PSMF1: variants seen among roughly 807,000 people sequenced by gnomAD.
PSMF1 encodes the protein proteasome inhibitor subunit 1.
Under a neutral mutation model 29.3 loss-of-function variants are expected in PSMF1, and 30 were observed. The ratio of observed to expected loss-of-function variants is 1.02; its 90% CI spans 0.77 to 1.39. PSMF1 has a LOEUF of 1.39. PSMF1 is among the 40% of genes most tolerant of loss of function. PSMF1 has a pLI of 0.00. For synonymous variants in PSMF1, 134 were observed against 139.7 expected (o/e 0.96, Z 0.29); for missense variants, 344 against 357.5 (o/e 0.96, Z 0.31).
chr20:1,127,476 T>C lies in PSMF1; in HGVS notation c.333T>C (p.Tyr111=), dbSNP rs2086173704. The C allele has an allele frequency of 6.2e-7, 1 of 1,608,588 alleles. No homozygotes were observed. Among genetic ancestry groups the C allele is most frequent in the Non-Finnish European group, 8.5e-7 (1 of 1,174,880 alleles). ...ACTTGACCCTGAACTTGGATGATTATATCGATGCAGAACACCTGGGTGACT... is the reference window on the plus strand; with the variant it reads ...ACTTGACCCTGAACTTGGATGATTACATCGATGCAGAACACCTGGGTGACT... ...VADLTLNLDD[Y]IDAEHLGDFH... Residue 111 remains tyrosine (Y), a synonymous_variant, in exon 3 of 7, where the codon TAT becomes TAC. Coordinates refer to ENST00000335877, the MANE Select transcript of PSMF1 (RefSeq NM_006814.5).
chr20:1,168,240 AGGGCAGGT>A lies in PSMF1; in HGVS notation c.*3161_*3168del, dbSNP rs2086754880. On this transcript the variant is annotated 3_prime_UTR_variant, in exon 7 of 7. Coordinates refer to ENST00000335877, the MANE Select transcript of PSMF1 (RefSeq NM_006814.5). ...GATGGTTCTAGGCTGGATGTGATACAGGGCAGGTTTTGTCTCTAGAGAAAGTTCTCATG... is the reference window on the plus strand; with the variant it reads ...GATGGTTCTAGGCTGGATGTGATACATTTGTCTCTAGAGAAAGTTCTCATG... The A allele has an allele frequency of 6.6e-6, 1 of 152,246 alleles. No homozygotes were observed. The highest frequency in any genetic ancestry group is 2.4e-5 in the African/African-American group (1 of 41,468). The allele number at this position is 152,246 out of a possible 1,614,324, so 9.4% of individuals were successfully genotyped here. A position where few individuals can be genotyped will look rare whatever the true frequency, so the allele number is the denominator to read the frequency against.
intron 4 of PSMF1, among the ~76,000 whole-genome samples, chr20:1,136,408 G>A (rs1481445671): frequency 3.3e-5 from 5 of 152,110 alleles, no homozygotes; most frequent in Non-Finnish European, 7.4e-5. Flanking sequence ...ATAAGCCCTG[G>A]TCAGAAGTCA....
rs2122618791 is a variant in PSMF1 at position 1,164,683 on chromosome 20, C to T, written c.764+207C>T. On this transcript the variant is annotated intron_variant, in intron 6 of 6. Coordinates refer to ENST00000335877, the MANE Select transcript of PSMF1 (RefSeq NM_006814.5). This position sits in a 1 kb window ranked among gnomAD's most constrained non-coding sequence, Gnocchi z 4.1. ...CCTATCCCTCAGTGCCTCTCTTTCC[C>T]CAGCTCCACTCTGGGGAGGACTCAA... 6.6e-6 allele frequency among the ~76,000 whole-genome samples: 1 copy of T among 152,274 alleles called. No homozygotes were observed. The highest frequency in any genetic ancestry group is 1.9e-4 in the East Asian group (1 of 5,176).
At chr20:1,157,038 G>A (rs1165101076) in intron 4 of PSMF1, among the ~76,000 whole-genome samples, 7 of 152,132 alleles carry the variant, frequency 4.6e-5, no homozygotes, top group African/African-American at 9.7e-5. Flanking sequence ...AAGGAGAGCC[G>A]GTCTGAGTCC....
chr20:1,134,985 C>T (rs1261412276), intron 3 of PSMF1, 136 bp from the exon 4 acceptor site: 7 of 848,204 alleles, frequency 8.3e-6, no homozygotes, highest in African/African-American at 1.7e-5. Flanking sequence ...GCGGCCTGTT[C>T]CCCCACTTAT....
chr20:1,126,935 G>A (rs1414816507), intron 2 of PSMF1, among the ~76,000 whole-genome samples: 1 of 152,106 alleles, frequency 6.6e-6, no homozygotes, highest in African/African-American at 2.4e-5. Context: ...TTTAAGGCTA[G>A]GTTTCCAGAA....
Position 1,171,390 on chromosome 20 carries a change from T to C in PSMF1, c.*6310T>C, listed in dbSNP as rs73893605. Among the ~76,000 whole-genome samples the C allele has an allele frequency of 0.012, 1,766 of 152,242 alleles. 33 individuals are homozygous for C. The highest frequency in any genetic ancestry group is 0.041 in the African/African-American group (1,697 of 41,548). On this transcript the variant is annotated 3_prime_UTR_variant, in exon 7 of 7. Transcript: ENST00000335877. ...TCTCTGCTGGGCTCTGTCACCTGGC[T>C]CCATGTGCTGCTCACCTCGGCCTTC... is the stretch of plus-strand genomic sequence containing the variant.
chr20:1,155,734 T>G (rs1335774993), intron 4 of PSMF1, among the ~76,000 whole-genome samples: 1 of 152,230 alleles, frequency 6.6e-6, no homozygotes, highest in Admixed American at 6.5e-5. Context: ...ACATGCATGG[T>G]GGAGACCTTA....
chr20:1,125,589 G>C lies in PSMF1; in HGVS notation c.221G>C (p.Gly74Ala), dbSNP rs376977314. Residue 74 changes from glycine to alanine, a missense_variant, in exon 2 of 7, where the codon GGG becomes GCG. Physicochemically the swap from Gly to Ala is moderately conservative, Grantham distance 60. Coordinates refer to ENST00000335877, the MANE Select transcript of PSMF1 (RefSeq NM_006814.5). The part of the protein sequence containing the change: ...LYVLRYEYKD[G>A]SRKLLVKAIT... The stretch of plus-strand genomic sequence containing the variant: ...GTCCTCCGGTATGAGTATAAGGATG[G>C]GTCCAGAAAGCTCCTTGTGAAAGCC... 1 of 1,613,970 alleles carries C rather than the reference G, an allele frequency of 6.2e-7. No homozygotes were observed. The highest frequency in any genetic ancestry group is 1.3e-5 in the African/African-American group (1 of 74,910).
At chr20:1,119,829 G>A (rs1225406051) in intron 1 of PSMF1, among the ~76,000 whole-genome samples, 1 of 152,112 alleles carries the variant, frequency 6.6e-6, no homozygotes. Flanking sequence ...GCCCCTCACT[G>A]TCACTGTTCT....
chr20:1,118,816 A>G lies in PSMF1; in HGVS notation c.43A>G (p.Ile15Val), dbSNP rs1286373572. ...ACTGTTCGCATCGGCAGCGCCGGCC[A>G]TCACCTGCAGGCAGGACGCGCTCGT... is the stretch of plus-strand genomic sequence containing the variant. ...EVLFASAAPA[I>V]TCRQDALVCF... Residue 15 changes from isoleucine to valine, a missense_variant, in exon 1 of 7, where the codon ATC (isoleucine) becomes GTC (valine). By Grantham distance (29) the Ile-to-Val change is conservative (BLOSUM62 3). Coordinates refer to ENST00000335877, the MANE Select transcript of PSMF1 (RefSeq NM_006814.5). 1.2e-6 allele frequency: 2 copies of G among 1,613,700 alleles called. No individual in the cohort carries two copies.
intron 4 of PSMF1, among the ~76,000 whole-genome samples, chr20:1,149,438 T>G (rs1337035543): frequency 6.6e-6 from 1 of 152,244 alleles, no homozygotes; most frequent in African/African-American, 2.4e-5. Context: ...GATATGCAGA[T>G]CTGCTCAAAG....
Position 1,166,385 on chromosome 20 carries a change from C to T in PSMF1, c.*1305C>T. ...GTGGATCCTTTCATTTCTCAGCTCC[C>T]TGGATTCCTTCCCCTAAATTAGGAC... On this transcript the variant is annotated 3_prime_UTR_variant, in exon 7 of 7. Transcript: ENST00000335877. 1 of 1,030,218 alleles carries T rather than the reference C, an allele frequency of 9.7e-7. No individual in the cohort carries two copies. The highest frequency in any genetic ancestry group is 1.5e-6 in the Non-Finnish European group (1 of 677,612). 63.8% of individuals were successfully genotyped at this position (1,030,218 alleles called of 1,614,324 possible).
chr20:1,144,091 C>T lies in PSMF1; in HGVS notation c.551+8785C>T, dbSNP rs911829095. ...TGACAGAGCAAGACTCCGTCCCCCC[C>T]AAAAAAAGAAAAAAATGGAAAAATG... On this transcript the variant is annotated intron_variant, in intron 4 of 6. Transcript: ENST00000335877. Among the ~76,000 whole-genome samples, 3 of 150,048 alleles carry T rather than the reference C, an allele frequency of 2.0e-5. No homozygotes were observed. In the East Asian group the frequency reaches 5.8e-4, roughly 29 times the overall value.
In PSMF1 at chr20:1,125,584, G is replaced by A. The variant is rs751590520; in HGVS notation, c.216G>A (p.Lys72=). The change falls in exon 2 of 7, where the codon AAG becomes AAA. Residue 72 remains lysine (K), a synonymous_variant. Transcript: ENST00000335877. Reference sequence around the variant, plus strand: ...TGTATGTCCTCCGGTATGAGTATAAGGATGGGTCCAGAAAGCTCCTTGTGA... The same window carrying A: ...TGTATGTCCTCCGGTATGAGTATAAAGATGGGTCCAGAAAGCTCCTTGTGA... ...KDLYVLRYEY[K]DGSRKLLVKA... is the part of the protein sequence containing the mutation. The A allele has an allele frequency of 6.2e-6, 10 of 1,614,030 alleles. No individual in the cohort carries two copies. The African/African-American group carries it at 1.3e-4, about 22-fold the overall frequency.
chr20:1,119,717 ATTC>A (rs1171576955), intron 1 of PSMF1, among the ~76,000 whole-genome samples: 1 of 152,076 alleles, frequency 6.6e-6, no homozygotes, highest in East Asian at 1.9e-4. Flanking sequence ...TTGCTCTGGC[ATTC>A]TTCTTTCTTT....
chr20:1,128,874 GTTTT>G (rs902687588), intron 3 of PSMF1, among the ~76,000 whole-genome samples: 3 of 151,284 alleles, frequency 2.0e-5, no homozygotes, highest in Non-Finnish European at 4.4e-5. Flanking sequence ...TAATTTTTGC[GTTTT>G]TTTGTTTTGT....
Position 1,133,569 on chromosome 20 carries a change from A to ATATATATATATATATATATT in PSMF1, c.366-1551_366-1550insATATATATATATATATATTT. Among the ~76,000 whole-genome samples the ATATATATATATATATATATT allele has an allele frequency of 2.9e-3, 157 of 53,248 alleles. 1 individual carries two copies. The highest frequency in any genetic ancestry group is 6.8e-3 in the East Asian group (22 of 3,222). The allele number at this position is 53,248 out of a possible 152,430, so 34.9% of individuals were successfully genotyped here. On this transcript the variant is annotated intron_variant, in intron 3 of 6. Coordinates refer to ENST00000335877, the MANE Select transcript of PSMF1 (RefSeq NM_006814.5). Reference sequence around the variant, plus strand: ...TCTATATATGTGTATATATATATATATTTTTTTTTTTTTTTTGGTGTAGTC... The same window carrying ATATATATATATATATATATT: ...TCTATATATGTGTATATATATATATATATATATATATATATATATTTTTTTTTTTTTTTTTTGGTGTAGTC...
intron 4 of PSMF1, among the ~76,000 whole-genome samples, chr20:1,137,001 C>T (rs772051337): frequency 1.2e-4 from 18 of 152,318 alleles, no homozygotes; most frequent in Non-Finnish European, 2.2e-4. Context: ...GAGTATCTAA[C>T]AAGACATTTG....
Sources: gnomAD v4.1 joint callset for allele counts (sites outside exome capture counted in the v4.1 genomes callset) on GRCh38, gnomAD v4.1.1 for gene constraint, Gnocchi (gnomAD v3.1) non-coding constraint, MANE v1.5 for transcripts, NCBI Gene and HGNC (gene_info 2026-07-23, HGNC 2026-07-21) for gene names.